The following ANKMY1 variants were observed in gnomAD, a reference collection of about 807,000 sequenced individuals.
The protein encoded by ANKMY1 is ankyrin repeat and MYND domain containing 1.
In ANKMY1, 98 loss-of-function variants were observed where a neutral mutation model predicts 102.0. The ratio of observed to expected loss-of-function variants is 0.96; its 90% CI spans 0.82 to 1.14. The LOEUF (loss-of-function observed/expected upper bound fraction) is 1.14, where lower values mean the gene tolerates loss of function less well. Ranked by LOEUF, ANKMY1 falls within the 50% of genes most tolerant of loss-of-function variation. ANKMY1 has a pLI of 0.00. For missense variants in ANKMY1, 1,330 were observed against 1,347.6 expected, an observed-to-expected ratio of 0.99 and a Z score of 0.20; for synonymous variants, 582 against 559.9, an observed-to-expected ratio of 1.04 and a Z score of -0.56.
At chr2:240,469,041 C>T in the ANKMY1 span, among the ~76,000 whole-genome samples, 1 of 152,180 alleles carries the variant, frequency 6.6e-6, no homozygotes, top group African/African-American at 2.4e-5. Flanking sequence ...GGGGATGCAG[C>T]CTGGGGGCTC....
intron 2 of ANKMY1, among the ~76,000 whole-genome samples, chr2:240,556,721 G>A (rs1255102896): frequency 1.3e-5 from 2 of 152,098 alleles, no homozygotes; most frequent in Non-Finnish European, 2.9e-5. Flanking sequence ...GGCACTCTAC[G>A]GGTGGTGTTG....
intron 5 of ANKMY1, 93 bp from the exon 6 acceptor site, chr2:240,526,538 C>A: frequency 6.4e-7 from 1 of 1,554,304 alleles, no homozygotes. Context: ...CAATGCCTCT[C>A]CCTCTTGTGG....
In ANKMY1 at chr2:240,506,715, G is replaced by A. The variant is rs961289925; in HGVS notation, c.2526+845C>T. On this transcript the variant is annotated intron_variant, in intron 13 of 17. Transcript: ENST00000401804. This position sits in a 1 kb window ranked among gnomAD's most constrained non-coding sequence, Gnocchi z 4.9. The stretch of plus-strand genomic sequence containing the variant: ...TAAGAACCAAAGTGTGTACCAAGAT[G>A]GATTGAGGAAAGCAAGGTCGTGGGT... Among the ~76,000 whole-genome samples, 2 of 151,578 alleles carry A rather than the reference G, an allele frequency of 1.3e-5. No homozygotes were observed. The highest frequency in any genetic ancestry group is 1.3e-4 in the Admixed American group (2 of 15,230).
At chr2:240,542,475 G>A (rs1039091834) in intron 4 of ANKMY1, among the ~76,000 whole-genome samples, 4 of 151,572 alleles carry the variant, frequency 2.6e-5, no homozygotes, top group Admixed American at 2.6e-4. Context: ...CTGCACGCCA[G>A]CCTGGGCAAC....
At chr2:240,472,160 C>T in the ANKMY1 span, among the ~76,000 whole-genome samples, 71 of 152,324 alleles carry the variant, frequency 4.7e-4, 1 homozygote, top group East Asian at 0.012. Flanking sequence ...AGTCCTGGAG[C>T]GGTCCTGCCC....
chr2:240,546,804 G>C (rs2124928233), intron 4 of ANKMY1, among the ~76,000 whole-genome samples: 1 of 152,350 alleles, frequency 6.6e-6, no homozygotes, highest in East Asian at 1.9e-4. Context: ...TCGACAAGAA[G>C]AGCTAACTAT....
rs1319060541 is a variant in ANKMY1, at chr2:240,520,090, C to T, written c.2004+272G>A. The T allele has an allele frequency of 2.9e-5, 19 of 653,164 alleles. No individual in the cohort carries two copies. The highest frequency in any genetic ancestry group is 5.5e-5 in the Non-Finnish European group (19 of 345,506). The allele number at this position is 653,164 out of a possible 1,614,324, so 40.5% of individuals were successfully genotyped here. On this transcript the variant is annotated intron_variant, in intron 9 of 17. Transcript: ENST00000401804. The surrounding 1 kb of genome is among the most constrained non-coding windows in gnomAD (Gnocchi z 4.8). ...TCCAAGGGGCCTTCAGGATGCGCTT[C>T]CCCTTAGTTTGCTTCAACACTGGGA...
chr2:240,529,630 A>C lies in ANKMY1; in HGVS notation c.481-121T>G, dbSNP rs2084832330. 1 of 970,134 alleles carries C rather than the reference A, an allele frequency of 1.0e-6. No individual in the cohort carries two copies. Among genetic ancestry groups the C allele is most frequent in the Non-Finnish European group, 1.5e-6 (1 of 673,700 alleles). The allele number at this position is 970,134 out of a possible 1,614,324, so 60.1% of individuals were successfully genotyped here. A position where few individuals can be genotyped will look rare whatever the true frequency, so the allele number is the denominator to read the frequency against. ...ACTTTCCCAAGAAATGCATGCATTC[A>C]GCCAGTAAACATCTCTGGAGGCTTA... On this transcript the variant is annotated intron_variant, in intron 4 of 17. Transcript: ENST00000401804. This position sits in a 1 kb window ranked among gnomAD's most constrained non-coding sequence, Gnocchi z 4.2.
chr2:240,515,546 A>G (rs2081045304), intron 9 of ANKMY1, among the ~76,000 whole-genome samples: 1 of 152,102 alleles, frequency 6.6e-6, no homozygotes. Context: ...AAAAAAAAGA[A>G]AAAGAAAATT....
At chr2:240,492,951 A>G (rs889542087) in intron 15 of ANKMY1, among the ~76,000 whole-genome samples, 2 of 152,094 alleles carry the variant, frequency 1.3e-5, no homozygotes, top group African/African-American at 4.8e-5. Context: ...CAGCCTCCCA[A>G]TGTTGGGATT....
chr2:240,544,278 T>C (rs771874346), intron 4 of ANKMY1, among the ~76,000 whole-genome samples: 4 of 152,128 alleles, frequency 2.6e-5, no homozygotes, highest in Non-Finnish European at 4.4e-5. Flanking sequence ...AGAAAGAAAA[T>C]TTAGGACAAA....
At chr2:240,492,896 G>C (rs1246518463) in intron 15 of ANKMY1, among the ~76,000 whole-genome samples, 1 of 152,156 alleles carries the variant, frequency 6.6e-6, no homozygotes, top group African/African-American at 2.4e-5. Flanking sequence ...CACCACGTTG[G>C]CCAGGCTGGT....
At chr2:240,512,993 G>C (rs780688406) in intron 9 of ANKMY1, 51 bp from the exon 10 acceptor site, 1 of 1,581,750 alleles carries the variant, frequency 6.3e-7, no homozygotes, top group Middle Eastern at 1.7e-4. Flanking sequence ...CGTAGGGAGA[G>C]ACAGGTGAGG....
intron 15 of ANKMY1, among the ~76,000 whole-genome samples, chr2:240,498,368 C>T (rs1420157922): frequency 1.3e-5 from 2 of 149,856 alleles, no homozygotes; most frequent in Admixed American, 6.7e-5. Context: ...GTGGGGTGTC[C>T]GTATGTGTGT....
At chr2:240,507,498 C>T (rs1194709629) in intron 13 of ANKMY1, 62 bp downstream of exon 13, 1 of 1,530,614 alleles carries the variant, frequency 6.5e-7, no homozygotes, top group African/African-American at 1.4e-5. Context: ...ACCCCTCACT[C>T]AGGGCCACCC....
chr2:240,501,919 A>C (rs1199824276), intron 13 of ANKMY1, among the ~76,000 whole-genome samples: 1 of 152,052 alleles, frequency 6.6e-6, no homozygotes, highest in Non-Finnish European at 1.5e-5. Flanking sequence ...CACCCATGAG[A>C]CCCCCATCGT....
chr2:240,555,077 G>T (rs1331974359), intron 2 of ANKMY1, 22 bp from the exon 3 acceptor site: 2 of 1,612,104 alleles, frequency 1.2e-6, no homozygotes, highest in African/African-American at 1.3e-5. Flanking sequence ...GGAGCAGAAG[G>T]AGGGAAGAGT....
At chr2:240,514,322 T>C (rs529420513) in intron 9 of ANKMY1, among the ~76,000 whole-genome samples, 1 of 152,016 alleles carries the variant, frequency 6.6e-6, no homozygotes, top group South Asian at 2.1e-4. Flanking sequence ...TAGAGAGAAA[T>C]ACTAGAGAAA....
At chr2:240,482,051 G>A (rs1011916744) in intron 16 of ANKMY1, 132 bp downstream of exon 16, 8 of 970,138 alleles carry the variant, frequency 8.2e-6, no homozygotes, top group Middle Eastern at 2.2e-4. Context: ...ACTTCCTAGA[G>A]GAGGCCATGC....
Sources: allele counts gnomAD v4.1 joint callset (sites outside exome capture counted in the v4.1 genomes callset), GRCh38; gene constraint gnomAD v4.1.1; non-coding constraint Gnocchi (gnomAD v3.1); transcripts MANE v1.5; gene names NCBI Gene and HGNC (gene_info 2026-07-23, HGNC 2026-07-21).